DOCK7: variants seen among roughly 807,000 people sequenced by gnomAD.
DOCK7 encodes the protein dedicator of cytokinesis 7.
In DOCK7, 138 loss-of-function variants were observed where a neutral mutation model predicts 271.0. That is an observed-to-expected ratio of 0.51 (90% CI 0.44 to 0.59). The LOEUF (loss-of-function observed/expected upper bound fraction) is 0.59. Among genes scored for constraint, DOCK7 ranks in the 20% least tolerant of loss-of-function variants. The probability of loss-of-function intolerance (pLI) is 0.00; values close to 1 mark genes in which losing one functional copy is unlikely to be tolerated. For missense variants in DOCK7, 2,066 were observed against 2,592.4 expected (o/e 0.80, Z 4.41); for synonymous variants, 823 against 876.1 (o/e 0.94, Z 1.07).
chr1:62,670,697 C>G (rs939484929), intron 1 of DOCK7, among the ~76,000 whole-genome samples: 9 of 152,038 alleles, frequency 5.9e-5, no homozygotes, highest in African/African-American at 1.2e-4. Context: ...CTGATGGGGA[C>G]GTGGAGAACC....
chr1:62,546,540 A>C (rs1645714450), intron 22 of DOCK7, among the ~76,000 whole-genome samples: 2 of 152,154 alleles, frequency 1.3e-5, no homozygotes, highest in South Asian at 4.1e-4. Context: ...TAACTATAAA[A>C]TAAAAATGAT....
chr1:62,509,084 A>G (rs1025189660), intron 34 of DOCK7, among the ~76,000 whole-genome samples: 1 of 152,134 alleles, frequency 6.6e-6, no homozygotes, highest in African/African-American at 2.4e-5. Context: ...GCACTTTGAA[A>G]GGCTGAGGTA....
intron 18 of DOCK7, among the ~76,000 whole-genome samples, chr1:62,576,828 T>C (rs1646955199): frequency 6.6e-6 from 1 of 152,230 alleles, no homozygotes; most frequent in Non-Finnish European, 1.5e-5. Context: ...TACTTTGTTT[T>C]CATTCACATG....
chr1:62,679,886 G>A (rs1255315583), intron 1 of DOCK7, among the ~76,000 whole-genome samples: 1 of 152,150 alleles, frequency 6.6e-6, no homozygotes, highest in Non-Finnish European at 1.5e-5. Flanking sequence ...CGAAATAAAA[G>A]AGGACACAAA....
At position 62,654,064 on chromosome 1, in the gene DOCK7, A is replaced by C. The variant is rs112710334; in HGVS notation, c.240T>G (p.Ile80Met). The C allele has an allele frequency of 6.2e-7, 1 of 1,614,000 alleles. No individual in the cohort carries two copies. Among genetic ancestry groups the C allele is most frequent in the Non-Finnish European group, 8.5e-7 (1 of 1,179,932 alleles). The change falls in exon 3 of 50, where the codon ATT (isoleucine) becomes ATG (methionine). Residue 80 changes from isoleucine to methionine, a missense_variant. Coordinates refer to ENST00000635253, the MANE Select transcript of DOCK7 (RefSeq NM_001367561.1). Reference protein sequence around the residue: ...AVDSGPLRDLIEFPPDDIEVV... With the variant: ...AVDSGPLRDLMEFPPDDIEVV... The stretch of plus-strand genomic sequence containing the variant: ...CTTCAATATCATCTGGAGGAAATTC[A>C]ATCAAATCCCGTAAAGGCCCAGAAT...
At chr1:62,593,341 A>T (rs990899529) in intron 14 of DOCK7, among the ~76,000 whole-genome samples, 2 of 152,230 alleles carry the variant, frequency 1.3e-5, no homozygotes, top group African/African-American at 4.8e-5. Context: ...AGGCCAAGGT[A>T]GGCAGATCAC....
At position 62,545,652 on chromosome 1, in the gene DOCK7, A is replaced by G. The variant is rs1457139066; in HGVS notation, c.2767-613T>C. ...GCACTTATAATAATAATGGGCTACT[A>G]TTTATTAATAAATATTATAAGGAAA... On this transcript the variant is annotated intron_variant, in intron 22 of 49. Transcript: ENST00000635253. Among the ~76,000 whole-genome samples the G allele has an allele frequency of 2.0e-4, 30 of 152,278 alleles. 1 individual carries two copies. Among genetic ancestry groups the G allele is most frequent in the Admixed American group, 2.0e-3 (30 of 15,280 alleles).
At chr1:62,601,006 T>C in intron 14 of DOCK7, 1 of 861,892 alleles carries the variant, frequency 1.2e-6, no homozygotes, top group Non-Finnish European at 2.0e-6. Flanking sequence ...ACTGTACTTC[T>C]GACATCCTTA....
In DOCK7 at chr1:62,510,689, C is replaced by A. The variant is rs755597863; in HGVS notation, c.4283-16G>T. 6.3e-7 allele frequency: 1 copy of A among 1,598,312 alleles called. No individual in the cohort carries two copies. The highest frequency in any genetic ancestry group is 8.6e-7 in the Non-Finnish European group (1 of 1,167,534). On this transcript the variant is annotated splice_polypyrimidine_tract_variant and intron_variant, in intron 33 of 49. Transcript: ENST00000635253. Reference sequence around the variant, plus strand: ...GGGCTTCTCTCTGTCAAATAAATTTCAAAACCAATTTTCAAATGTTATTTC... The same window carrying A: ...GGGCTTCTCTCTGTCAAATAAATTTAAAAACCAATTTTCAAATGTTATTTC...
In DOCK7 at chr1:62,529,300, A is replaced by T; in HGVS notation, c.3758T>A (p.Val1253Glu). The T allele has an allele frequency of 6.2e-7, 1 of 1,610,492 alleles. No homozygotes were observed. The highest frequency in any genetic ancestry group is 2.2e-5 in the East Asian group (1 of 44,778). The change falls in exon 30 of 50, where the codon GTA becomes GAA. Residue 1253 changes from valine to glutamate, a missense_variant. Transcript: ENST00000635253. ...ACCTGTAAAATCATACAGCTGAGGT[A>T]CAGTTTCCATGATAATACCAATCAG... ...LPLIGIIMET[V>E]PQLYDFTETH...
intron 12 of DOCK7, among the ~76,000 whole-genome samples, chr1:62,621,008 TGA>T (rs1169054122): frequency 6.6e-6 from 1 of 152,040 alleles, no homozygotes; most frequent in African/African-American, 2.4e-5. Context: ...TAAAAATACT[TGA>T]GTCTCATAAA....
chr1:62,497,032 T>A (rs1236251982), intron 37 of DOCK7, among the ~76,000 whole-genome samples: 2 of 152,152 alleles, frequency 1.3e-5, no homozygotes, highest in Non-Finnish European at 2.9e-5. Flanking sequence ...TTTTCTACCA[T>A]GAAATCACTC....
At chr1:62,675,978 G>A (rs566621249) in intron 1 of DOCK7, among the ~76,000 whole-genome samples, 14 of 152,168 alleles carry the variant, frequency 9.2e-5, no homozygotes, top group South Asian at 2.1e-4. Flanking sequence ...GAACAGTTTC[G>A]CAGATCCTCA....
At chr1:62,531,354 A>C (rs1278856694) in intron 29 of DOCK7, among the ~76,000 whole-genome samples, 2 of 152,204 alleles carry the variant, frequency 1.3e-5, no homozygotes, top group African/African-American at 4.8e-5. Flanking sequence ...AATATATATT[A>C]ATACAAGATC....
chr1:62,620,058 G>A (rs1303669561), intron 12 of DOCK7, 65 bp from the exon 13 acceptor site: 19 of 1,305,698 alleles, frequency 1.5e-5, no homozygotes, highest in South Asian at 1.4e-4. Context: ...AGTGGCTCAC[G>A]CCTGTAATCC....
chr1:62,553,032 C>A, intron 21 of DOCK7, 131 bp from the exon 22 acceptor site: 4 of 166,008 alleles, frequency 2.4e-5, no homozygotes, highest in Non-Finnish European at 3.6e-5. Context: ...AAAAAATATA[C>A]TTTTTTTTTT....
intron 18 of DOCK7, among the ~76,000 whole-genome samples, chr1:62,575,824 C>A (rs1262261719): frequency 6.6e-6 from 1 of 152,216 alleles, no homozygotes; most frequent in Non-Finnish European, 1.5e-5. Context: ...AGAAGAAAAT[C>A]ATGAGTCTCC....
At chr1:62,565,083 G>A (rs2149451283) in intron 18 of DOCK7, among the ~76,000 whole-genome samples, 1 of 152,142 alleles carries the variant, frequency 6.6e-6, no homozygotes, top group Middle Eastern at 3.4e-3. Context: ...AAAAAGTCCA[G>A]GACCAGAAGG....
At chr1:62,674,819 A>G (rs1215338628) in intron 1 of DOCK7, among the ~76,000 whole-genome samples, 1 of 152,196 alleles carries the variant, frequency 6.6e-6, no homozygotes, top group African/African-American at 2.4e-5. Context: ...TGGAACATAA[A>G]CCTTAATATA....
Sources: allele counts gnomAD v4.1 joint callset (sites outside exome capture counted in the v4.1 genomes callset), GRCh38; gene constraint gnomAD v4.1.1; transcripts MANE v1.5; gene names NCBI Gene and HGNC (gene_info 2026-07-23, HGNC 2026-07-21).